Variants in STX7 observed in about 807,000 individuals in gnomAD.
STX7 encodes the protein syntaxin-7.
In STX7, 34 loss-of-function variants were observed where a neutral mutation model predicts 39.6. The observed-to-expected ratio is 0.86, with a 90% CI of 0.65 to 1.14. STX7 has a LOEUF of 1.14. STX7 is among the 50% of genes most tolerant of loss of function. STX7 has a pLI of 0.00. For missense variants in STX7, 284 were observed against 310.4 expected (o/e 0.92, Z 0.64); for synonymous variants, 119 against 99.1 (o/e 1.20, Z -1.19).
At chr6:132,469,386 T>C (rs988959193) in intron 7 of STX7, among the ~76,000 whole-genome samples, 1 of 152,184 alleles carries the variant, frequency 6.6e-6, no homozygotes, top group African/African-American at 2.4e-5. Context: ...AGGTGGTCCA[T>C]AGATGGCTTG....
At chr6:132,471,285 C>T (rs1774714989) in intron 5 of STX7, among the ~76,000 whole-genome samples, 178 bp downstream of exon 5, 1 of 152,104 alleles carries the variant, frequency 6.6e-6, no homozygotes, top group Admixed American at 6.6e-5. Context: ...CACCGTAATA[C>T]AAAATTATCA....
intron 5 of STX7, 119 bp from the exon 6 acceptor site, chr6:132,470,745 GTA>G (rs1774694321): frequency 1.5e-5 from 9 of 612,922 alleles, no homozygotes; most frequent in Admixed American, 4.9e-5. Flanking sequence ...GTGTCTGTGT[GTA>G]TGTGTGTGTG....
At chr6:132,472,881 G>A (rs916286847) in intron 3 of STX7, among the ~76,000 whole-genome samples, 3 of 152,232 alleles carry the variant, frequency 2.0e-5, no homozygotes, top group Admixed American at 1.3e-4. Flanking sequence ...GGAGGGGCCA[G>A]GCATGCTGGC....
chr6:132,492,423 T>C (rs547111787), intron 2 of STX7, among the ~76,000 whole-genome samples: 3 of 152,356 alleles, frequency 2.0e-5, no homozygotes, highest in South Asian at 4.1e-4. Flanking sequence ...TTATTTTATG[T>C]CTGTCTTCTC....
chr6:132,472,209 GT>G, intron 4 of STX7, 72 bp downstream of exon 4: 1 of 1,141,324 alleles, frequency 8.8e-7, no homozygotes, highest in South Asian at 1.5e-5. Flanking sequence ...TAGCGTAACA[GT>G]TCAAAGATCC....
rs1385154615 is a variant in STX7 at position 132,456,187 on chromosome 6, G to A, written c.*4571C>T. On this transcript the variant is annotated 3_prime_UTR_variant, in exon 10 of 10. Coordinates refer to ENST00000367941, the MANE Select transcript of STX7 (RefSeq NM_003569.3). ...ACACAGATCATCACTCAAATCAGTA[G>A]TTTCTCTTTAGAAAACTAGCAATTT... The A allele has an allele frequency of 1.3e-5, 2 of 152,000 alleles. No homozygotes were observed. The highest frequency in any genetic ancestry group is 2.9e-5 in the Non-Finnish European group (2 of 68,006). The allele number at this position is 152,000 out of a possible 1,614,324, so 9.4% of individuals were successfully genotyped here. A position where few individuals can be genotyped will look rare whatever the true frequency, so the allele number is the denominator to read the frequency against.
Position 132,503,544 on chromosome 6 carries a change from A to T in STX7, c.-14T>A, listed in dbSNP as rs1312931665. 6.2e-7 allele frequency: 1 copy of T among 1,609,426 alleles called. No homozygotes were observed. The highest frequency in any genetic ancestry group is 8.5e-7 in the Non-Finnish European group (1 of 1,176,138). On this transcript the variant is annotated 5_prime_UTR_variant, in exon 2 of 10. Transcript: ENST00000367941. Reference sequence around the variant, plus strand: ...AGTGTAAGACATGGTTGATGTTCTTATTCGCTAATTTCATCAGATGCTGTG... The same window carrying T: ...AGTGTAAGACATGGTTGATGTTCTTTTTCGCTAATTTCATCAGATGCTGTG...
intron 2 of STX7, among the ~76,000 whole-genome samples, chr6:132,482,995 G>A (rs1775048360): frequency 6.6e-6 from 1 of 151,754 alleles, no homozygotes; most frequent in African/African-American, 2.4e-5. Context: ...AAAAGAAAAT[G>A]AAAGAAAGTC....
intron 8 of STX7, among the ~76,000 whole-genome samples, chr6:132,466,852 T>G (rs1193092013): frequency 1.3e-5 from 2 of 152,206 alleles, no homozygotes; most frequent in Non-Finnish European, 2.9e-5. Flanking sequence ...AACTTCACCA[T>G]CATAGTGGGC....
Position 132,463,993 on chromosome 6 carries a change from C to G in STX7, c.693G>C (p.Gln231His). 6.2e-7 allele frequency: 1 copy of G among 1,613,988 alleles called. No individual in the cohort carries two copies. The highest frequency in any genetic ancestry group is 1.6e-4 in the Middle Eastern group (1 of 6,062). ...NQQLSRAADY[Q>H]RKSRKTLCII... ...AGAAAATTGATCACAGTTAAATTAC[C>G]TGATAATCTGCTGCCCTTGACAGCT... Residue 231 changes from glutamine (Q) to histidine (H), a missense_variant and splice_region_variant, in exon 9 of 10, where the codon CAG becomes CAC. By Grantham distance (24) the Gln-to-His change is conservative. Coordinates refer to ENST00000367941, the MANE Select transcript of STX7 (RefSeq NM_003569.3).
intron 2 of STX7, among the ~76,000 whole-genome samples, chr6:132,487,133 G>A (rs1221188744): frequency 1.3e-5 from 2 of 152,188 alleles, no homozygotes. Context: ...TTGTGAGAAG[G>A]TTTTAAGTTG....
At chr6:132,471,792 A>G (rs1774730160) in intron 4 of STX7, among the ~76,000 whole-genome samples, 192 bp from the exon 5 acceptor site, 2 of 152,210 alleles carry the variant, frequency 1.3e-5, no homozygotes, top group Non-Finnish European at 2.9e-5. Flanking sequence ...CAAAAGACCC[A>G]TTATGCTGGA....
chr6:132,483,132 T>C (rs1218228517), intron 2 of STX7, among the ~76,000 whole-genome samples: 1 of 152,150 alleles, frequency 6.6e-6, no homozygotes, highest in Non-Finnish European at 1.5e-5. Context: ...TCCTTCACTA[T>C]CCCTAGAGGA....
chr6:132,494,845 C>T (rs971897883), intron 2 of STX7, among the ~76,000 whole-genome samples: 1 of 152,086 alleles, frequency 6.6e-6, no homozygotes, highest in Admixed American at 6.5e-5. Flanking sequence ...TACAGGTTTA[C>T]CTTGGCAACT....
At chr6:132,467,716 C>G (rs968558897) in intron 8 of STX7, among the ~76,000 whole-genome samples, 3 of 152,134 alleles carry the variant, frequency 2.0e-5, no homozygotes, top group Non-Finnish European at 4.4e-5. Context: ...AGTAAAGGTG[C>G]AAATATTTCA....
At chr6:132,500,201 A>C (rs1171969074) in intron 2 of STX7, among the ~76,000 whole-genome samples, 1 of 151,982 alleles carries the variant, frequency 6.6e-6, no homozygotes, top group Non-Finnish European at 1.5e-5. Flanking sequence ...CACAGTGTAG[A>C]TCTGATTATG....
In STX7 at chr6:132,450,344, T is replaced by C. The variant is rs1774113298; in HGVS notation, c.*10414A>G. ...AAATTATTCATTTTCTGTTTTGTGATATATTGGCATAAAGTTGTTTATAGT... is the reference window on the plus strand; with the variant it reads ...AAATTATTCATTTTCTGTTTTGTGACATATTGGCATAAAGTTGTTTATAGT... On this transcript the variant is annotated 3_prime_UTR_variant, in exon 10 of 10. Coordinates refer to ENST00000367941, the MANE Select transcript of STX7 (RefSeq NM_003569.3). 6.6e-6 allele frequency: 1 copy of C among 152,214 alleles called. No homozygotes were observed. Among genetic ancestry groups the C allele is most frequent in the African/African-American group, 2.4e-5 (1 of 41,456 alleles). The allele number at this position is 152,214 out of a possible 1,614,324, so 9.4% of individuals were successfully genotyped here.
chr6:132,482,715 A>T (rs1325989015), intron 2 of STX7, among the ~76,000 whole-genome samples: 1 of 152,232 alleles, frequency 6.6e-6, no homozygotes, highest in Non-Finnish European at 1.5e-5. Context: ...AGATGTTTCC[A>T]GCAGTGCTCA....
intron 1 of STX7, among the ~76,000 whole-genome samples, chr6:132,510,843 G>A (rs571002633): frequency 6.6e-5 from 10 of 152,264 alleles, no homozygotes; most frequent in Admixed American, 4.6e-4. Flanking sequence ...GAACACAAAG[G>A]AATGAACAAA....
Sources: gnomAD v4.1 joint callset for allele counts (sites outside exome capture counted in the v4.1 genomes callset) on GRCh38, gnomAD v4.1.1 for gene constraint, MANE v1.5 for transcripts, NCBI Gene and HGNC (gene_info 2026-07-23, HGNC 2026-07-21) for gene names.